The following PELI2 variants were observed in gnomAD, a reference collection of about 807,000 sequenced individuals.
PELI2 encodes the protein E3 ubiquitin-protein ligase pellino homolog 2.
In PELI2, 23 loss-of-function variants were observed where a neutral mutation model predicts 42.3. The observed-to-expected ratio is 0.54, with a 90% CI of 0.39 to 0.77. The LOEUF is 0.77. Among genes scored for constraint, PELI2 ranks in the 30% least tolerant of loss-of-function variants. PELI2 has a pLI of 0.00. For missense variants in PELI2, 463 were observed against 553.2 expected (o/e 0.84, Z 1.64); for synonymous variants, 245 against 212.2 (o/e 1.15, Z -1.34).
chr14:56,229,733 T>C (rs11627174), intron 2 of PELI2, among the ~76,000 whole-genome samples: 60,846 of 152,072 alleles, frequency 0.4, 12,970 homozygotes, highest in South Asian at 0.53. Flanking sequence ...AGAACAAAGC[T>C]GGACAGTGAA....
intron 2 of PELI2, among the ~76,000 whole-genome samples, chr14:56,195,916 G>A (rs556878211): frequency 7.0e-4 from 107 of 152,346 alleles, no homozygotes; most frequent in African/African-American, 2.0e-3. Context: ...CCGGACAGGA[G>A]AGCATGGCCT....
intron 1 of PELI2, among the ~76,000 whole-genome samples, chr14:56,130,063 T>G (rs1312540936): frequency 4.6e-5 from 7 of 151,890 alleles, no homozygotes; most frequent in Admixed American, 3.9e-4. Flanking sequence ...GATCTGAGTT[T>G]TTTTTTTTCT....
chr14:56,211,103 C>T (rs759707349), intron 2 of PELI2, among the ~76,000 whole-genome samples: 6 of 152,102 alleles, frequency 3.9e-5, no homozygotes, highest in East Asian at 1.9e-4. Flanking sequence ...TGTCTTGCTA[C>T]GCTGTCAACT....
chr14:56,246,621 CA>C (rs1199200773), intron 2 of PELI2, among the ~76,000 whole-genome samples: 1 of 152,078 alleles, frequency 6.6e-6, no homozygotes, highest in African/African-American at 2.4e-5. Flanking sequence ...GGACGTAGGC[CA>C]ACTGTGTACC....
At position 56,234,042 on chromosome 14, in the gene PELI2, T is replaced by C. The variant is rs375215829; in HGVS notation, c.208-45634T>C. On this transcript the variant is annotated intron_variant, in intron 2 of 5. Coordinates refer to ENST00000267460, the MANE Select transcript of PELI2 (RefSeq NM_021255.3). ...CCATCAGAGAAATGCAAATCAAAAC[T>C]ACAATGAGATACCATCTCACACCAG... Among the ~76,000 whole-genome samples the C allele has an allele frequency of 5.1e-4, 77 of 152,220 alleles. 1 individual carries two copies. Among genetic ancestry groups the C allele is most frequent in the South Asian group, 3.1e-3 (15 of 4,814 alleles).
In PELI2 at chr14:56,288,595, C is replaced by T. The variant is rs371989404; in HGVS notation, c.468C>T (p.Phe156=). 12 of 1,613,702 alleles carry T rather than the reference C, an allele frequency of 7.4e-6. No homozygotes were observed. The highest frequency in any genetic ancestry group is 5.3e-5 in the African/African-American group (4 of 74,888). Residue 156 remains phenylalanine (F), a synonymous_variant, in exon 4 of 6, where the codon TTC becomes TTT. Coordinates refer to ENST00000267460, the MANE Select transcript of PELI2 (RefSeq NM_021255.3). This position sits in a 1 kb window ranked among gnomAD's most constrained non-coding sequence, Gnocchi z 4.6. ...ATGAACCTTACACAGCACGGATATTCGCCGCCGGATTTGACTCTTCCAAAA... is the reference window on the plus strand; with the variant it reads ...ATGAACCTTACACAGCACGGATATTTGCCGCCGGATTTGACTCTTCCAAAA... The part of the protein sequence containing the change: ...DRNEPYTARI[F]AAGFDSSKNI...
At chr14:56,119,849 CT>C (rs1882998488) in intron 1 of PELI2, 1 of 985,150 alleles carries the variant, frequency 1.0e-6, no homozygotes, top group Non-Finnish European at 1.2e-6. Context: ...TCAGAACATC[CT>C]CGGCGCTGAT....
chr14:56,202,157 T>TTTGTTG (rs578087570), intron 2 of PELI2, among the ~76,000 whole-genome samples: 3 of 152,082 alleles, frequency 2.0e-5, no homozygotes, highest in African/African-American at 4.8e-5. Context: ...ATAGAAGGTA[T>TTTGTTG]TTGTTGTTGT....
At position 56,300,066 on chromosome 14, in the gene PELI2, T is replaced by C. The variant is rs1890128407; in HGVS notation, c.*2900T>C. 1 of 152,614 alleles carries C rather than the reference T, an allele frequency of 6.6e-6. No individual in the cohort carries two copies. The highest frequency in any genetic ancestry group is 2.1e-4 in the South Asian group (1 of 4,830). 9.5% of individuals were successfully genotyped at this position (152,614 alleles called of 1,614,324 possible). A position where few individuals can be genotyped will look rare whatever the true frequency, so the allele number is the denominator to read the frequency against. ...AAGGGCTACAGTTCACCCTGCAGAG[T>C]ATTAAGGTTTCTGGATTTTTTTCTC... On this transcript the variant is annotated 3_prime_UTR_variant, in exon 6 of 6. Coordinates refer to ENST00000267460, the MANE Select transcript of PELI2 (RefSeq NM_021255.3).
chr14:56,140,259 C>T (rs1420905448), intron 1 of PELI2, among the ~76,000 whole-genome samples: 3 of 152,170 alleles, frequency 2.0e-5, no homozygotes, highest in Non-Finnish European at 4.4e-5. Flanking sequence ...ACAGCCTCCT[C>T]CTCCCAAAAC....
At chr14:56,208,104 T>C (rs1426327958) in intron 2 of PELI2, among the ~76,000 whole-genome samples, 2 of 152,228 alleles carry the variant, frequency 1.3e-5, no homozygotes, top group African/African-American at 2.4e-5. Context: ...TAGCCAGAGC[T>C]TTAACAGCTT....
chr14:56,221,078 C>T (rs1887115031), intron 2 of PELI2, among the ~76,000 whole-genome samples: 1 of 152,172 alleles, frequency 6.6e-6, no homozygotes, highest in South Asian at 2.1e-4. Context: ...ACCTGCAAAA[C>T]TGGCCATGCT....
At chr14:56,205,519 C>A (rs1886486298) in intron 2 of PELI2, among the ~76,000 whole-genome samples, 5 of 152,006 alleles carry the variant, frequency 3.3e-5, no homozygotes, top group Admixed American at 2.6e-4. Context: ...AGCATGAAAT[C>A]CTCTTTTTTG....
rs762143052 is a variant in PELI2, at chr14:56,153,902, C to G, written c.78-24433C>G. ...TCTACTGAGTATAAATTTAAACCCT[C>G]TTCTTATGGTAAGGGTTGATTTTGT... is the stretch of plus-strand genomic sequence containing the variant. On this transcript the variant is annotated intron_variant, in intron 1 of 5. Transcript: ENST00000267460. Among the ~76,000 whole-genome samples the G allele has an allele frequency of 3.3e-5, 5 of 152,250 alleles. No homozygotes were observed. In the East Asian group the frequency reaches 9.7e-4, roughly 29 times the overall value.
At chr14:56,173,963 A>G (rs1473639314) in intron 1 of PELI2, among the ~76,000 whole-genome samples, 4 of 152,048 alleles carry the variant, frequency 2.6e-5, no homozygotes, top group Admixed American at 6.6e-5. Flanking sequence ...GTACAGTGGT[A>G]CGATCTCGGC....
chr14:56,223,885 T>G (rs574903328), intron 2 of PELI2, among the ~76,000 whole-genome samples: 1 of 152,334 alleles, frequency 6.6e-6, no homozygotes, highest in East Asian at 1.9e-4. Flanking sequence ...TACCAGTTCG[T>G]GTCATATAAT....
intron 2 of PELI2, among the ~76,000 whole-genome samples, chr14:56,209,362 T>C (rs1473616111): frequency 1.3e-5 from 2 of 152,282 alleles, no homozygotes; most frequent in South Asian, 4.1e-4. Context: ...ATTATATATG[T>C]ACGTAAAGGA....
intron 1 of PELI2, among the ~76,000 whole-genome samples, chr14:56,166,644 A>G (rs985112852): frequency 4.6e-5 from 7 of 152,044 alleles, no homozygotes; most frequent in African/African-American, 1.7e-4. Context: ...TAAATATACT[A>G]TTCTAGGGTA....
At chr14:56,258,134 G>A (rs763558359) in intron 2 of PELI2, among the ~76,000 whole-genome samples, 3 of 152,190 alleles carry the variant, frequency 2.0e-5, no homozygotes, top group African/African-American at 7.2e-5. Context: ...CTGCAGAAGA[G>A]TGTCACCTTA....
Sources: gnomAD v4.1 joint callset for allele counts (sites outside exome capture counted in the v4.1 genomes callset) on GRCh38, gnomAD v4.1.1 for gene constraint, Gnocchi (gnomAD v3.1) non-coding constraint, MANE v1.5 for transcripts, NCBI Gene and HGNC (gene_info 2026-07-23, HGNC 2026-07-21) for gene names.